FUCA1: variants seen among roughly 807,000 people sequenced by gnomAD.
The protein encoded by FUCA1 is alpha-L-fucosidase 1.
Under a neutral mutation model 56.8 loss-of-function variants are expected in FUCA1, and 52 were observed. That is an observed-to-expected ratio of 0.92 (90% CI 0.73 to 1.15). The LOEUF is 1.15. Among genes scored for constraint, FUCA1 ranks in the 50% most tolerant of loss-of-function variants. The pLI is 0.00. For synonymous variants in FUCA1, 230 were observed against 226.6 expected, an observed-to-expected ratio of 1.02 and a Z score of -0.14; for missense variants, 568 against 592.6, an observed-to-expected ratio of 0.96 and a Z score of 0.43.
intron 5 of FUCA1, among the ~76,000 whole-genome samples, chr1:23,852,102 A>ATAATAATAATAAT (rs10529609): frequency 6.7e-6 from 1 of 150,272 alleles, no homozygotes; most frequent in Non-Finnish European, 1.5e-5. Flanking sequence ...AATAATAATA[A>ATAATAATAATAAT]AAAGTGGTTT....
Position 23,868,186 on chromosome 1 carries a change from G to A in FUCA1, c.101C>T (p.Pro34Leu). 6.2e-7 allele frequency: 1 copy of A among 1,604,060 alleles called. No homozygotes were observed. Among genetic ancestry groups the A allele is most frequent in the Non-Finnish European group, 8.5e-7 (1 of 1,176,388 alleles). Residue 34 changes from proline to leucine, a missense_variant, in exon 1 of 8, where the codon CCG (proline) becomes CTG (leucine). Transcript: ENST00000374479. Reference protein sequence around the residue: ...AAESVRRAQPPRRYTPDWPSL... With the variant: ...AAESVRRAQPLRRYTPDWPSL... The stretch of plus-strand genomic sequence containing the variant: ...CGGCCAGTCTGGGGTGTAGCGGCGC[G>A]GAGGCTGGGCCCGACGCACCGACTC...
Position 23,848,720 on chromosome 1 carries a change from G to A in FUCA1, c.1089C>T (p.Ser363=), listed in dbSNP as rs1443768545. The change falls in exon 6 of 8, where the codon AGC becomes AGT. Residue 363 remains serine (S), a synonymous_variant. Coordinates refer to ENST00000374479, the MANE Select transcript of FUCA1 (RefSeq NM_000147.5). ...ERLLAVGKWL[S]INGEAIYASK... ...AGGCATAGATAGCCTCCCCATTGAT[G>A]CTCAGCCATTTCCCAACAGCAAGAA... The A allele has an allele frequency of 6.2e-6, 10 of 1,614,040 alleles. No homozygotes were observed. In the Admixed American group the frequency reaches 1.0e-4, roughly 16 times the overall value.
Position 23,868,109 on chromosome 1 carries a change from C to A in FUCA1, c.178G>T (p.Val60Leu). 6.2e-7 allele frequency: 1 copy of A among 1,611,912 alleles called. No homozygotes were observed. The highest frequency in any genetic ancestry group is 8.5e-7 in the Non-Finnish European group (1 of 1,179,604). Reference protein sequence around the residue: ...PAWFDEAKFGVFIHWGVFSVP... With the variant: ...PAWFDEAKFGLFIHWGVFSVP... ...GAGAACACGCCCCAGTGGATGAACA[C>A]CCCGAACTTGGCTTCGTCGAACCAG... The change falls in exon 1 of 8, where the codon GTG becomes TTG. Residue 60 changes from valine to leucine, a missense_variant. Val to Leu is a conservative substitution (Grantham distance 32). Coordinates refer to ENST00000374479, the MANE Select transcript of FUCA1 (RefSeq NM_000147.5).
At position 23,845,175 on chromosome 1, in the gene FUCA1, T is replaced by C. The variant is rs1639111008; in HGVS notation, c.*540A>G. ...ATTCATTTTCTTAATAGTATCACTG[T>C]AAACATAGCGAATTTTGGCGCTTTT... On this transcript the variant is annotated 3_prime_UTR_variant, in exon 8 of 8. Transcript: ENST00000374479. The C allele has an allele frequency of 2.2e-5, 4 of 179,974 alleles. No individual in the cohort carries two copies. The allele number at this position is 179,974 out of a possible 1,614,324, so 11.1% of individuals were successfully genotyped here. A position where few individuals can be genotyped will look rare whatever the true frequency, so the allele number is the denominator to read the frequency against.
chr1:23,848,115 CAAAACAGAGGGATTAATAG>C (rs1639178471), intron 6 of FUCA1, among the ~76,000 whole-genome samples: 1 of 152,004 alleles, frequency 6.6e-6, no homozygotes, highest in Non-Finnish European at 1.5e-5. Context: ...GAAACTCATC[CAAAACAGAGGGATTAATAG>C]AGGGATTAGA....
Position 23,868,056 on chromosome 1 carries a change from G to A in FUCA1, c.231C>T (p.Phe77=). ...GCCCCTCGCCCTGCCAGTGCCACCAGAACCACTCGCTGCCCCAGGCGGGCA... is the reference window on the plus strand; with the variant it reads ...GCCCCTCGCCCTGCCAGTGCCACCAAAACCACTCGCTGCCCCAGGCGGGCA... ...FSVPAWGSEW[F]WWHWQGEGRP... is the part of the protein sequence containing the mutation. The change falls in exon 1 of 8, where the codon TTC becomes TTT. Residue 77 remains phenylalanine, a synonymous_variant. Coordinates refer to ENST00000374479, the MANE Select transcript of FUCA1 (RefSeq NM_000147.5). The A allele has an allele frequency of 6.2e-7, 1 of 1,611,618 alleles. No individual in the cohort carries two copies. The highest frequency in any genetic ancestry group is 1.3e-5 in the African/African-American group (1 of 75,042).
Position 23,867,490 on chromosome 1 carries a change from A to G in FUCA1, c.389+408T>C, listed in dbSNP as rs1639648599. Among the ~76,000 whole-genome samples, 1 of 152,150 alleles carries G rather than the reference A, an allele frequency of 6.6e-6. No individual in the cohort carries two copies. Among genetic ancestry groups the G allele is most frequent in the East Asian group, 1.9e-4 (1 of 5,194 alleles). On this transcript the variant is annotated intron_variant, in intron 1 of 7. Transcript: ENST00000374479. This position sits in a 1 kb window ranked among gnomAD's most constrained non-coding sequence, Gnocchi z 4.9. Reference sequence around the variant, plus strand: ...TATCCTTATATAACCCCTTTCTACAACCATAGAAGAGGCTGCAGGGAGGCT... The same window carrying G: ...TATCCTTATATAACCCCTTTCTACAGCCATAGAAGAGGCTGCAGGGAGGCT...
intron 4 of FUCA1, among the ~76,000 whole-genome samples, chr1:23,855,469 C>T (rs1047189492): frequency 5.3e-5 from 8 of 152,340 alleles, no homozygotes; most frequent in Middle Eastern, 3.4e-3. Context: ...TGCACTCCAG[C>T]CTAGGCAACA....
At chr1:23,860,563 G>T (rs1412744810) in intron 3 of FUCA1, among the ~76,000 whole-genome samples, 38 of 141,540 alleles carry the variant, frequency 2.7e-4, no homozygotes, top group African/African-American at 9.3e-4. Flanking sequence ...CAGCCTGGGC[G>T]ACGGAGTGAA....
chr1:23,856,462 T>C (rs1020022178), intron 4 of FUCA1, among the ~76,000 whole-genome samples: 5 of 152,340 alleles, frequency 3.3e-5, no homozygotes, highest in Admixed American at 2.6e-4. Flanking sequence ...CTGGTCACCC[T>C]ACAATGTACT....
At chr1:23,864,706 C>CTTTT (rs563678936) in intron 2 of FUCA1, among the ~76,000 whole-genome samples, 1 of 138,542 alleles carries the variant, frequency 7.2e-6, no homozygotes, top group Non-Finnish European at 1.6e-5. Context: ...TGTCTTTTTT[C>CTTTT]TTTTTTTTTT....
At chr1:23,863,048 A>T in intron 3 of FUCA1, 86 bp downstream of exon 3, 1 of 1,399,544 alleles carries the variant, frequency 7.1e-7, no homozygotes, top group South Asian at 1.2e-5. Flanking sequence ...TTTCATACCT[A>T]TCCCTCCTCC....
intron 5 of FUCA1, among the ~76,000 whole-genome samples, chr1:23,854,026 TC>T (rs1324955866): frequency 6.7e-6 from 1 of 149,046 alleles, no homozygotes; most frequent in Admixed American, 6.7e-5. Context: ...CCCTGCCAAA[TC>T]CCCCTCTGTG....
intron 3 of FUCA1, among the ~76,000 whole-genome samples, chr1:23,862,767 T>C (rs1639535120): frequency 6.6e-6 from 1 of 152,228 alleles, no homozygotes; most frequent in African/African-American, 2.4e-5. Flanking sequence ...GAGAGTGTTC[T>C]GTTTAAGGCA....
chr1:23,848,951 C>T, intron 5 of FUCA1, 112 bp from the exon 6 acceptor site: 2 of 920,698 alleles, frequency 2.2e-6, no homozygotes, highest in Non-Finnish European at 3.4e-6. Context: ...TTTTAAATAT[C>T]CTCTGCTGTT....
At chr1:23,847,342 C>CTTTT (rs71026630) in intron 6 of FUCA1, among the ~76,000 whole-genome samples, 1 of 146,298 alleles carries the variant, frequency 6.8e-6, no homozygotes, top group African/African-American at 2.5e-5. Context: ...TCAGAGATTT[C>CTTTT]TTTTTTTTTT....
intron 4 of FUCA1, among the ~76,000 whole-genome samples, chr1:23,856,739 C>A (rs1001071310): frequency 1.3e-5 from 2 of 152,124 alleles, no homozygotes; most frequent in African/African-American, 4.8e-5. Context: ...CGCCTGTAAT[C>A]CCAGCACTTT....
rs113826697 is a variant in FUCA1, at chr1:23,857,501, C to CT, written c.768+2296dup. Among the ~76,000 whole-genome samples the CT allele has an allele frequency of 2.5e-3, 367 of 145,414 alleles. 2 individuals are homozygous for CT. Among genetic ancestry groups the CT allele is most frequent in the South Asian group, 9.4e-3 (43 of 4,572 alleles). The stretch of plus-strand genomic sequence containing the variant: ...ATTCATCAAGTTCCAGAAAACCACT[C>CT]TTTTTTTTTTTTGTGAGACAGAGTC... On this transcript the variant is annotated intron_variant, in intron 4 of 7. Transcript: ENST00000374479.
chr1:23,848,587 G>A, intron 6 of FUCA1, 62 bp downstream of exon 6: 1 of 1,498,348 alleles, frequency 6.7e-7, no homozygotes, highest in Non-Finnish European at 9.3e-7. Context: ...TGGACCCAAG[G>A]AGATACCAGT....
Sources: allele counts gnomAD v4.1 joint callset (sites outside exome capture counted in the v4.1 genomes callset), GRCh38; gene constraint gnomAD v4.1.1; non-coding constraint Gnocchi (gnomAD v3.1); transcripts MANE v1.5; gene names NCBI Gene and HGNC (gene_info 2026-07-23, HGNC 2026-07-21).